The following PTPN13 variants were observed in gnomAD, a reference collection of about 807,000 sequenced individuals.
PTPN13 encodes the protein protein tyrosine phosphatase non-receptor type 13, also known as tyrosine-protein phosphatase non-receptor type 13.
A neutral mutation model predicts 284.0 loss-of-function variants in PTPN13; 191 were observed. The ratio of observed to expected loss-of-function variants is 0.67; its 90% confidence interval spans 0.60 to 0.76. The LOEUF is 0.76. Ranked by LOEUF, PTPN13 falls within the 30% of genes least tolerant of loss-of-function variation. The pLI is 0.00. For missense variants in PTPN13, 2,797 were observed against 2,939.9 expected, an observed-to-expected ratio of 0.95 and a Z score of 1.12; for synonymous variants, 986 against 1,022.3, an observed-to-expected ratio of 0.96 and a Z score of 0.68.
intron 10 of PTPN13, among the ~76,000 whole-genome samples, chr4:86,723,531 G>C (rs983409568): frequency 6.6e-6 from 1 of 152,178 alleles, no homozygotes; most frequent in Non-Finnish European, 1.5e-5. Context: ...AAAGATCGGG[G>C]ACCGCTGCTT....
intron 3 of PTPN13, among the ~76,000 whole-genome samples, chr4:86,682,176 A>G (rs1343998080): frequency 6.6e-6 from 1 of 152,318 alleles, no homozygotes; most frequent in Non-Finnish European, 1.5e-5. Context: ...TAGCTCTTCT[A>G]TACATGCATG....
intron 2 of PTPN13, among the ~76,000 whole-genome samples, chr4:86,670,021 G>A (rs1365195213): frequency 1.3e-5 from 2 of 151,608 alleles, no homozygotes; most frequent in East Asian, 3.9e-4. Context: ...CGAAAGAAGT[G>A]TTAGAGGGAT....
chr4:86,692,712 A>G (rs975421323), intron 5 of PTPN13, among the ~76,000 whole-genome samples: 52 of 152,172 alleles, frequency 3.4e-4, no homozygotes, highest in African/African-American at 1.1e-3. Flanking sequence ...CTTTAAGATT[A>G]CATTTTGTTT....
At chr4:86,634,826 C>T (rs1165796954) in intron 1 of PTPN13, among the ~76,000 whole-genome samples, 1 of 152,162 alleles carries the variant, frequency 6.6e-6, no homozygotes, top group Admixed American at 6.6e-5. Flanking sequence ...CTTCCCCTAC[C>T]ATGGCTGTAG....
intron 10 of PTPN13, among the ~76,000 whole-genome samples, chr4:86,728,653 T>TA (rs1734577711): frequency 1.0e-5 from 1 of 98,916 alleles, no homozygotes; most frequent in African/African-American, 4.0e-5. Context: ...CTTTTTTTTT[T>TA]TTTTTTTTTT....
intron 4 of PTPN13, among the ~76,000 whole-genome samples, chr4:86,687,728 G>T (rs569860585): frequency 6.6e-6 from 1 of 151,966 alleles, no homozygotes; most frequent in South Asian, 2.1e-4. Flanking sequence ...GGAAATATTG[G>T]TGTCATATAT....
chr4:86,722,366 C>T lies in PTPN13; in HGVS notation c.1540C>T (p.Leu514Phe), dbSNP rs1449760774. The T allele has an allele frequency of 1.9e-6, 3 of 1,613,652 alleles. No homozygotes were observed. The highest frequency in any genetic ancestry group is 1.7e-5 in the Admixed American group (1 of 59,990). The change falls in exon 10 of 48, where the codon CTT (leucine) becomes TTT (phenylalanine). Residue 514 changes from leucine to phenylalanine, a missense_variant. Physicochemically the swap from Leu to Phe is conservative, Grantham distance 22 (BLOSUM62 0). Transcript: ENST00000411767. ...YPGDTIKASM[L>F]DITRDPLREI... ...AGGAGACACAATCAAAGCGTCCATG[C>T]TTGACATCACCAGGGATCCGTTAAG...
intron 10 of PTPN13, among the ~76,000 whole-genome samples, chr4:86,730,329 C>A (rs1189106586): frequency 6.7e-6 from 1 of 149,956 alleles, no homozygotes; most frequent in African/African-American, 2.4e-5. Context: ...AGAACCACTG[C>A]TCTCTTCAGA....
chr4:86,777,659 A>G (rs1019345085), intron 35 of PTPN13, among the ~76,000 whole-genome samples: 8 of 152,208 alleles, frequency 5.3e-5, no homozygotes, highest in Non-Finnish European at 1.2e-4. Flanking sequence ...TATAAAGGAA[A>G]AATTCACATT....
At chr4:86,610,884 C>G (rs1765201717) in intron 1 of PTPN13, among the ~76,000 whole-genome samples, 1 of 152,070 alleles carries the variant, frequency 6.6e-6, no homozygotes, top group African/African-American at 2.4e-5. Flanking sequence ...AATAATGATT[C>G]CAGCTGTCTG....
intron 7 of PTPN13, among the ~76,000 whole-genome samples, chr4:86,707,892 AATCTT>A (rs1241325389): frequency 1.3e-5 from 2 of 152,198 alleles, no homozygotes; most frequent in Admixed American, 6.5e-5. Flanking sequence ...TAGATTAAGA[AATCTT>A]AAGTATTAGA....
intron 5 of PTPN13, among the ~76,000 whole-genome samples, chr4:86,690,579 A>G (rs1729917450): frequency 1.3e-5 from 2 of 152,092 alleles, no homozygotes; most frequent in Non-Finnish European, 2.9e-5. Context: ...CTTTATGGAT[A>G]AGGAAACTGA....
Position 86,743,794 on chromosome 4 carries a change from A to G in PTPN13, c.2488-1172A>G, listed in dbSNP as rs977482737. Among the ~76,000 whole-genome samples, 11 of 152,342 alleles carry G rather than the reference A, an allele frequency of 7.2e-5. 1 individual carries two copies. In the Middle Eastern group the frequency reaches 0.037, roughly 518 times the overall value. ...GTCTGGGTAATACTCTGTTATTACA[A>G]CTTTTGAAAGCCTACTAAATTTGGC... On this transcript the variant is annotated intron_variant, in intron 16 of 47. Coordinates refer to ENST00000411767, the MANE Select transcript of PTPN13 (RefSeq NM_080683.3).
intron 2 of PTPN13, among the ~76,000 whole-genome samples, chr4:86,647,924 C>A (rs1485898505): frequency 6.6e-6 from 1 of 152,072 alleles, no homozygotes. Flanking sequence ...AAATAAATTT[C>A]TCTAACTTAA....
chr4:86,706,504 GGT>G lies in PTPN13; in HGVS notation c.1195+4705_1195+4706del, dbSNP rs1731784951. Reference sequence around the variant, plus strand: ...TTAAACCATAAGGTGCAGGGGTTAAGGTGGAACTCCATTATGTTATCTATTGT... The same window carrying G: ...TTAAACCATAAGGTGCAGGGGTTAAGGGAACTCCATTATGTTATCTATTGT... On this transcript the variant is annotated intron_variant, in intron 7 of 47. Transcript: ENST00000411767. Among the ~76,000 whole-genome samples, 7 of 152,220 alleles carry G rather than the reference GGT, an allele frequency of 4.6e-5. No individual in the cohort carries two copies. The South Asian group carries it at 1.5e-3, about 32-fold the overall frequency.
rs1204129129 is a variant in PTPN13 at position 86,595,813 on chromosome 4, TA to T, written c.-6+1028del. The T allele has an allele frequency of 3.7e-5, 35 of 946,830 alleles. 1 individual carries two copies. In the South Asian group the frequency reaches 1.5e-3, roughly 41 times the overall value. The allele number at this position is 946,830 out of a possible 1,614,324, so 58.7% of individuals were successfully genotyped here. On this transcript the variant is annotated intron_variant, in intron 1 of 47. Coordinates refer to ENST00000411767, the MANE Select transcript of PTPN13 (RefSeq NM_080683.3). ...TAACTAATTATAAATTTTAAGATTT[TA>T]AAATTTATATCTAGAAAGTTTACTA...
chr4:86,675,413 G>A (rs917442575), intron 3 of PTPN13, among the ~76,000 whole-genome samples: 2 of 152,052 alleles, frequency 1.3e-5, no homozygotes, highest in Admixed American at 1.3e-4. Context: ...AAATGGCAAG[G>A]GCATTTTGAA....
intron 2 of PTPN13, among the ~76,000 whole-genome samples, chr4:86,660,470 T>G (rs573295671): frequency 6.6e-6 from 1 of 152,232 alleles, no homozygotes; most frequent in East Asian, 1.9e-4. Context: ...AGTAAATCTT[T>G]GTACAGGGTA....
chr4:86,740,600 C>G (rs767532623), intron 15 of PTPN13, among the ~76,000 whole-genome samples: 1 of 152,178 alleles, frequency 6.6e-6, no homozygotes, highest in Non-Finnish European at 1.5e-5. Context: ...CTGACATGCC[C>G]TGGAAACCTT....
Sources: allele counts gnomAD v4.1 joint callset (sites outside exome capture counted in the v4.1 genomes callset), GRCh38; gene constraint gnomAD v4.1.1; transcripts MANE v1.5; gene names NCBI Gene and HGNC (gene_info 2026-07-23, HGNC 2026-07-21).